The following MYO18A variants were observed in gnomAD, a reference collection of about 807,000 sequenced individuals.
MYO18A encodes the protein unconventional myosin-XVIIIa.
MYO18A carries 78 observed loss-of-function variants against 235.8 expected under a neutral mutation model. The observed-to-expected ratio is 0.33, with a 90% CI of 0.28 to 0.40. MYO18A has a LOEUF of 0.40. Among genes scored for constraint, MYO18A ranks in the 10% least tolerant of loss-of-function variants. The pLI is 1.00. For missense variants in MYO18A, 2,215 were observed against 2,699.3 expected (o/e 0.82, Z 3.98); for synonymous variants, 977 against 1,077.8 (o/e 0.91, Z 1.83).
At chr17:29,165,624 C>A (rs1286154261) in intron 2 of MYO18A, 1 of 328,612 alleles carries the variant, frequency 3.0e-6, no homozygotes. Context: ...CTGCAGTGAA[C>A]CTTTGGGGAC....
At chr17:29,133,956 G>T in intron 2 of MYO18A, 1 of 848,862 alleles carries the variant, frequency 1.2e-6, no homozygotes, top group Non-Finnish European at 1.7e-6. Flanking sequence ...GCAACAAGGG[G>T]AAAGGAGGGA....
Position 29,119,426 on chromosome 17 carries a change from G to A in MYO18A, c.1738C>T (p.Leu580=). The change falls in exon 8 of 42, where the codon CTG becomes TTG. Residue 580 remains leucine, a synonymous_variant. Transcript: ENST00000527372. The stretch of plus-strand genomic sequence containing the variant: ...CGCCGAGCCACACGCAGCTTCTCCA[G>A]AAGCATTGTCTGTGACACAGCATGG... ...VASASIQTML[L]EKLRVARRPA... is the part of the protein sequence containing the mutation. 6.2e-7 allele frequency: 1 copy of A among 1,609,904 alleles called. No individual in the cohort carries two copies. The highest frequency in any genetic ancestry group is 8.5e-7 in the Non-Finnish European group (1 of 1,178,528).
At chr17:29,080,880 G>A (rs1309836768) in intron 41 of MYO18A, 1 of 985,296 alleles carries the variant, frequency 1.0e-6, no homozygotes, top group African/African-American at 1.7e-5. Flanking sequence ...GGGAGGTGAA[G>A]AGCGAATCCG....
At chr17:29,169,664 A>G (rs1598400271) in intron 1 of MYO18A, among the ~76,000 whole-genome samples, 3 of 152,326 alleles carry the variant, frequency 2.0e-5, no homozygotes, top group Middle Eastern at 6.8e-3. Flanking sequence ...GGTTTAGAAG[A>G]TAACTCCAGG....
intron 1 of MYO18A, among the ~76,000 whole-genome samples, chr17:29,174,674 C>T (rs551359116): frequency 1.3e-4 from 20 of 152,030 alleles, no homozygotes; most frequent in South Asian, 6.2e-4. Context: ...ACTTTGCCGG[C>T]GTAGTGGCGC....
rs1010341327 is a variant in MYO18A at position 29,089,865 on chromosome 17, G to T, written c.5526+96C>A. 8 of 1,521,444 alleles carry T rather than the reference G, an allele frequency of 5.3e-6. No individual in the cohort carries two copies. The African/African-American group carries it at 9.6e-5, about 18-fold the overall frequency. 94.2% of individuals were successfully genotyped at this position (1,521,444 alleles called of 1,614,324 possible). A position where few individuals can be genotyped will look rare whatever the true frequency, so the allele number is the denominator to read the frequency against. Reference sequence around the variant, plus strand: ...AGTGAGGCACAGGCCTCTGAGGACTGTCCGGGGGCCTGTCCAGCCCTGCTG... The same window carrying T: ...AGTGAGGCACAGGCCTCTGAGGACTTTCCGGGGGCCTGTCCAGCCCTGCTG... On this transcript the variant is annotated intron_variant, in intron 37 of 41. Coordinates refer to ENST00000527372, the MANE Select transcript of MYO18A (RefSeq NM_078471.4).
At chr17:29,119,237 G>A (rs1040788734) in intron 8 of MYO18A, 98 bp downstream of exon 8, 7 of 865,280 alleles carry the variant, frequency 8.1e-6, no homozygotes, top group Admixed American at 6.9e-5. Context: ...TGCAGGATGC[G>A]ATCAAGTGGC....
chr17:29,098,185 T>C lies in MYO18A; in HGVS notation c.3910A>G (p.Thr1304Ala). Reference protein sequence around the residue: ...LTSELTDERNTGESASQLLDA... With the variant: ...LTSELTDERNAGESASQLLDA... ...AGCAGCTGGGAGGCGGACTCTCCTG[T>C]GTTACGCTCATCTGTCAGCTCCGAT... Residue 1304 changes from threonine to alanine, a missense_variant, in exon 25 of 42, where the codon ACA becomes GCA. Physicochemically the swap from Thr to Ala is moderately conservative, Grantham distance 58. Coordinates refer to ENST00000527372, the MANE Select transcript of MYO18A (RefSeq NM_078471.4). 2.5e-6 allele frequency: 4 copies of C among 1,613,974 alleles called. No homozygotes were observed. In the South Asian group the frequency reaches 3.3e-5, roughly 13 times the overall value.
chr17:29,091,707 A>T (rs758590706), intron 34 of MYO18A: 2 of 454,276 alleles, frequency 4.4e-6, no homozygotes, highest in Middle Eastern at 1.1e-3. Flanking sequence ...CAGCTAGGTG[A>T]CTAGCTCAGG....
At chr17:29,137,259 G>A (rs763641146) in intron 2 of MYO18A, among the ~76,000 whole-genome samples, 38 of 152,184 alleles carry the variant, frequency 2.5e-4, no homozygotes, top group Non-Finnish European at 3.5e-4. Context: ...TACTGTAGGC[G>A]CTTAATAAAT....
chr17:29,116,375 A>T (rs2067060864), intron 11 of MYO18A, 69 bp downstream of exon 11: 1 of 1,592,016 alleles, frequency 6.3e-7, no homozygotes, highest in Non-Finnish European at 8.6e-7. Flanking sequence ...CCGCACAGAC[A>T]TATGTGCCTC....
Position 29,121,368 on chromosome 17 carries a change from C to T in MYO18A, c.1372-157G>A, listed in dbSNP as rs946467525. ...ATGCATGGAAATGAAGACACTAAGT[C>T]CTGGACTCCATCAAAGGTTGTGGGG... On this transcript the variant is annotated intron_variant, in intron 5 of 41. Transcript: ENST00000527372. This position sits in a 1 kb window ranked among gnomAD's most constrained non-coding sequence, Gnocchi z 4.2. 6.6e-5 allele frequency among the ~76,000 whole-genome samples: 10 copies of T among 152,228 alleles called. No homozygotes were observed. Among genetic ancestry groups the T allele is most frequent in the African/African-American group, 2.4e-4 (10 of 41,452 alleles).
intron 1 of MYO18A, 51 bp from the exon 2 acceptor site, chr17:29,167,072 T>G: frequency 2.3e-6 from 3 of 1,321,456 alleles, no homozygotes; most frequent in Non-Finnish European, 3.0e-6. Context: ...GAGCCTCATG[T>G]GTCTCCAGTC....
At chr17:29,079,742 C>G in intron 41 of MYO18A, 1 of 986,030 alleles carries the variant, frequency 1.0e-6, no homozygotes. Flanking sequence ...TAGTCGCTCT[C>G]GGGCCGGTAC....
intron 34 of MYO18A, chr17:29,091,234 A>G (rs1157856077): frequency 1.4e-5 from 5 of 356,272 alleles, no homozygotes; most frequent in Non-Finnish European, 2.1e-5. Context: ...ATGACCCATC[A>G]TCCTGGCACT....
At chr17:29,159,327 G>A (rs182659862) in intron 2 of MYO18A, among the ~76,000 whole-genome samples, 2 of 152,046 alleles carry the variant, frequency 1.3e-5, no homozygotes, top group African/African-American at 4.8e-5. Context: ...CCTGCCCCCA[G>A]CCCTTCATTA....
At chr17:29,097,683 C>A in intron 26 of MYO18A, 105 bp downstream of exon 26, 2 of 979,344 alleles carry the variant, frequency 2.0e-6, no homozygotes, top group Non-Finnish European at 3.1e-6. Context: ...TCAGTTTAGC[C>A]CCATGGAGGG....
Position 29,115,663 on chromosome 17 carries a change from C to A in MYO18A, c.2227+1G>T, listed in dbSNP as rs186572106. 1 of 1,595,908 alleles carries A rather than the reference C, an allele frequency of 6.3e-7. No individual in the cohort carries two copies. Among genetic ancestry groups the A allele is most frequent in the Non-Finnish European group, 8.5e-7 (1 of 1,172,126 alleles). On this transcript the variant is annotated splice_donor_variant, in intron 12 of 41. Coordinates refer to ENST00000527372, the MANE Select transcript of MYO18A (RefSeq NM_078471.4). LOFTEE classifies it high-confidence loss of function. Reference sequence around the variant, plus strand: ...ACTACCAGCCAAGGGACAAAGGGTACCTGTCCCATCTCCCAGGCCACTCTC... The same window carrying A: ...ACTACCAGCCAAGGGACAAAGGGTAACTGTCCCATCTCCCAGGCCACTCTC...
At chr17:29,159,831 G>A (rs1267761354) in intron 2 of MYO18A, among the ~76,000 whole-genome samples, 3 of 152,212 alleles carry the variant, frequency 2.0e-5, no homozygotes, top group Admixed American at 2.0e-4. Flanking sequence ...TCTCCCAGAT[G>A]CAGGCAACCC....
Sources: gnomAD v4.1 joint callset for allele counts (sites outside exome capture counted in the v4.1 genomes callset) on GRCh38, gnomAD v4.1.1 for gene constraint, Gnocchi (gnomAD v3.1) non-coding constraint, MANE v1.5 for transcripts, NCBI Gene and HGNC (gene_info 2026-07-23, HGNC 2026-07-21) for gene names.